Variants in ASXL2 observed in about 807,000 individuals in gnomAD.
The protein encoded by ASXL2 is putative Polycomb group protein ASXL2.
ASXL2 carries 23 observed loss-of-function variants against 122.0 expected under a neutral mutation model. The observed-to-expected ratio is 0.19, with a 90% confidence interval of 0.14 to 0.27. ASXL2 has a LOEUF of 0.27. Among genes scored for constraint, ASXL2 ranks in the 10% least tolerant of loss-of-function variants. The pLI, the probability that ASXL2 is intolerant of heterozygous loss-of-function variation, is 1.00. For synonymous variants in ASXL2, 650 were observed against 637.0 expected (o/e 1.02, Z -0.31); for missense variants, 1,518 against 1,713.8 (o/e 0.89, Z 2.02).
intron 1 of ASXL2, among the ~76,000 whole-genome samples, chr2:25,867,233 AT>A (rs1179159601): frequency 2.0e-5 from 3 of 151,816 alleles, no homozygotes; most frequent in African/African-American, 7.3e-5. Flanking sequence ...GACAGGTTCT[AT>A]CTAAAAAAAA....
At chr2:25,822,292 G>A (rs947261428) in intron 3 of ASXL2, among the ~76,000 whole-genome samples, 1 of 152,148 alleles carries the variant, frequency 6.6e-6, no homozygotes, top group Non-Finnish European at 1.5e-5. Context: ...CTTTCTGCGC[G>A]GTGCATTCTG....
intron 3 of ASXL2, among the ~76,000 whole-genome samples, chr2:25,820,600 G>A (rs1258001853): frequency 5.3e-5 from 8 of 152,168 alleles, no homozygotes; most frequent in Non-Finnish European, 1.0e-4. Context: ...CTGTTAGGAG[G>A]AGCCAGCATT....
chr2:25,858,995 G>T (rs1211064396), intron 1 of ASXL2, among the ~76,000 whole-genome samples: 1 of 150,826 alleles, frequency 6.6e-6, no homozygotes. Context: ...TGTATTTTTA[G>T]TAGAGACGGG....
intron 3 of ASXL2, among the ~76,000 whole-genome samples, chr2:25,819,257 T>C (rs2089278765): frequency 6.6e-6 from 1 of 152,190 alleles, no homozygotes; most frequent in South Asian, 2.1e-4. Context: ...AGATAATAAA[T>C]GCACTGTTTT....
intron 1 of ASXL2, chr2:25,856,517 G>A (rs887716847): frequency 9.0e-7 from 1 of 1,110,042 alleles, no homozygotes. Context: ...TTGTCCCCAA[G>A]AGCCTCCTCA....
At chr2:25,751,323 T>C (rs953467137) in intron 11 of ASXL2, among the ~76,000 whole-genome samples, 8 of 152,142 alleles carry the variant, frequency 5.3e-5, no homozygotes, top group African/African-American at 1.7e-4. Flanking sequence ...CCACGAACTG[T>C]TGTAATCCTC....
intron 3 of ASXL2, among the ~76,000 whole-genome samples, chr2:25,826,048 G>A (rs771220371): frequency 6.6e-6 from 1 of 152,054 alleles, no homozygotes; most frequent in Non-Finnish European, 1.5e-5. Context: ...GTGGTGGGCG[G>A]GCACTATGTC....
Position 25,767,639 on chromosome 2 carries a change from T to C in ASXL2, c.719A>G (p.Asn240Ser), listed in dbSNP as rs756903886. ...SSFSSSVKVE[N>S]TLLGLGKKSF... ...CTTCTTCCCCAAGCCTAGTAAAGTA[T>C]TTTCCACTTTAACTGAGGAAGAAAA... is the stretch of plus-strand genomic sequence containing the variant. The change falls in exon 8 of 13, where the codon AAT becomes AGT. Residue 240 changes from asparagine (N) to serine (S), a missense_variant. By Grantham distance (46) the Asn-to-Ser change is conservative. Coordinates refer to ENST00000435504, the MANE Select transcript of ASXL2 (RefSeq NM_018263.6). 2 of 1,613,836 alleles carry C rather than the reference T, an allele frequency of 1.2e-6. No homozygotes were observed. The highest frequency in any genetic ancestry group is 8.5e-7 in the Non-Finnish European group (1 of 1,179,854).
At position 25,742,826 on chromosome 2, in the gene ASXL2, C is replaced by T; in HGVS notation, c.3511G>A (p.Gly1171Arg). The change falls in exon 13 of 13, where the codon GGA (glycine) becomes AGA (arginine). Residue 1171 changes from glycine (G) to arginine (R), a missense_variant. This residue lies in a region of ASXL2 where 831 missense variants were observed against 833.1 expected (regional missense o/e 1.00). Coordinates refer to ENST00000435504, the MANE Select transcript of ASXL2 (RefSeq NM_018263.6). ...MGYTDCKNAT[G>R]ESSSSKEDDT... is the part of the protein sequence containing the mutation. Reference sequence around the variant, plus strand: ...TCTTCTTTGCTGCTGCTACTCTCTCCTGTTGCATTTTTACAGTCTGTATAT... The same window carrying T: ...TCTTCTTTGCTGCTGCTACTCTCTCTTGTTGCATTTTTACAGTCTGTATAT... The T allele has an allele frequency of 6.2e-7, 1 of 1,613,986 alleles. No individual in the cohort carries two copies. Among genetic ancestry groups the T allele is most frequent in the Non-Finnish European group, 8.5e-7 (1 of 1,179,890 alleles).
intron 5 of ASXL2, among the ~76,000 whole-genome samples, chr2:25,781,911 T>G (rs1381823087): frequency 6.8e-6 from 1 of 147,772 alleles, no homozygotes; most frequent in Non-Finnish European, 1.5e-5. Flanking sequence ...ATCTGCCCTC[T>G]TTGGCCTCCC....
At chr2:25,770,412 A>G (rs2088427539) in intron 6 of ASXL2, among the ~76,000 whole-genome samples, 1 of 152,100 alleles carries the variant, frequency 6.6e-6, no homozygotes, top group South Asian at 2.1e-4. Flanking sequence ...AAGTGCTAGG[A>G]TTACAGGCGT....
chr2:25,843,028 C>T lies in ASXL2; in HGVS notation c.140+2453G>A, dbSNP rs147105398. Among the ~76,000 whole-genome samples, 514 of 150,826 alleles carry T rather than the reference C, an allele frequency of 3.4e-3. 10 individuals carry two copies. In the East Asian group the frequency reaches 0.046, roughly 14 times the overall value. On this transcript the variant is annotated intron_variant, in intron 2 of 12. Coordinates refer to ENST00000435504, the MANE Select transcript of ASXL2 (RefSeq NM_018263.6). ...ATAGAGACGGGGTTTTGGCTGGGCA[C>T]GGTGGCTCACGCCTGTAATCCCAGC...
intron 3 of ASXL2, among the ~76,000 whole-genome samples, chr2:25,816,654 C>G (rs1041382139): frequency 6.6e-6 from 1 of 152,158 alleles, no homozygotes; most frequent in African/African-American, 2.4e-5. Flanking sequence ...TTATAAGCCA[C>G]TGAAATTTTA....
At chr2:25,787,626 T>TA (rs1304009549) in intron 5 of ASXL2, among the ~76,000 whole-genome samples, 1 of 151,964 alleles carries the variant, frequency 6.6e-6, no homozygotes, top group Non-Finnish European at 1.5e-5. Context: ...CACACAATTA[T>TA]AAAGTAAAAA....
intron 4 of ASXL2, among the ~76,000 whole-genome samples, chr2:25,805,737 G>A (rs764383677): frequency 6.6e-6 from 1 of 151,932 alleles, no homozygotes; most frequent in Non-Finnish European, 1.5e-5. Flanking sequence ...GTGCGGTGGC[G>A]TGATTTTGGC....
chr2:25,776,241 T>C (rs1340378894), intron 5 of ASXL2, among the ~76,000 whole-genome samples: 1 of 152,220 alleles, frequency 6.6e-6, no homozygotes, highest in Non-Finnish European at 1.5e-5. Flanking sequence ...CTTAGGGATA[T>C]TTCATATAAT....
At chr2:25,781,814 G>A (rs1011062122) in intron 5 of ASXL2, among the ~76,000 whole-genome samples, 1 of 151,694 alleles carries the variant, frequency 6.6e-6, no homozygotes, top group Admixed American at 6.6e-5. Flanking sequence ...GACTACAGGC[G>A]CGTGCCACCA....
chr2:25,782,658 C>A (rs2088664730), intron 5 of ASXL2, among the ~76,000 whole-genome samples: 1 of 152,100 alleles, frequency 6.6e-6, no homozygotes. Context: ...CTAGTGTTCC[C>A]CCTTAAGACA....
intron 5 of ASXL2, among the ~76,000 whole-genome samples, chr2:25,792,427 TAAC>T (rs934335035): frequency 4.2e-5 from 6 of 142,796 alleles, no homozygotes; most frequent in Admixed American, 1.4e-4. Flanking sequence ...AAACAATTCT[TAAC>T]AACACATTTT....
Sources: allele counts gnomAD v4.1 joint callset (sites outside exome capture counted in the v4.1 genomes callset), GRCh38; gene constraint gnomAD v4.1.1; regional missense constraint gnomAD v4.1.1; transcripts MANE v1.5; gene names NCBI Gene and HGNC (gene_info 2026-07-23, HGNC 2026-07-21).